SHC4: variants seen among roughly 807,000 people sequenced by gnomAD.
SHC4 encodes SHC adaptor protein 4.
SHC4 carries 41 observed loss-of-function variants against 69.4 expected under a neutral mutation model. The ratio of observed to expected loss-of-function variants is 0.59; its 90% CI spans 0.46 to 0.77. The LOEUF (loss-of-function observed/expected upper bound fraction) is 0.77. SHC4 is among the 30% of genes least tolerant of loss of function. SHC4 has a pLI of 0.00. For synonymous variants in SHC4, 318 were observed against 299.3 expected (o/e 1.06, Z -0.64); for missense variants, 777 against 783.8 (o/e 0.99, Z 0.10).
chr15:48,953,389 A>G (rs558805171), intron 1 of SHC4, among the ~76,000 whole-genome samples: 1 of 152,282 alleles, frequency 6.6e-6, no homozygotes, highest in South Asian at 2.1e-4. Flanking sequence ...CCTATGTAAC[A>G]TGTACCCCTG....
At chr15:48,962,145 C>A (rs1460954833) in intron 1 of SHC4, among the ~76,000 whole-genome samples, 1 of 152,152 alleles carries the variant, frequency 6.6e-6, no homozygotes, top group African/African-American at 2.4e-5. Context: ...GTGCCATCAG[C>A]TGCCTCTATC....
intron 2 of SHC4, among the ~76,000 whole-genome samples, chr15:48,897,144 A>C (rs1184136232): frequency 3.9e-5 from 6 of 152,172 alleles, no homozygotes; most frequent in Non-Finnish European, 5.9e-5. Flanking sequence ...AGAGGAGCAG[A>C]AATTTTGGGG....
intron 11 of SHC4, among the ~76,000 whole-genome samples, chr15:48,831,260 T>TA (rs57764927): frequency 0.059 from 8,902 of 151,838 alleles, 755 homozygotes; most frequent in African/African-American, 0.19. Flanking sequence ...GAAAGAAAAT[T>TA]AAAAAAAATA....
In SHC4 at chr15:48,959,512, G is replaced by A. The variant is rs149932174; in HGVS notation, c.585+2919C>T. Among the ~76,000 whole-genome samples the A allele has an allele frequency of 2.6e-5, 4 of 152,286 alleles. No homozygotes were observed. In the East Asian group the frequency reaches 7.7e-4, roughly 29 times the overall value. On this transcript the variant is annotated intron_variant, in intron 1 of 11. Coordinates refer to ENST00000332408, the MANE Select transcript of SHC4 (RefSeq NM_203349.4). ...AGCAAATAAGTTGGGGCAGGGAGAG[G>A]AGCAGTCACATGATATGGATAAGAA...
intron 3 of SHC4, among the ~76,000 whole-genome samples, chr15:48,885,141 G>A (rs1022501318): frequency 6.6e-6 from 1 of 152,168 alleles, no homozygotes; most frequent in Non-Finnish European, 1.5e-5. Flanking sequence ...GTGTGGTGAA[G>A]AATCATGAGA....
intron 10 of SHC4, among the ~76,000 whole-genome samples, chr15:48,842,879 C>T (rs577541547): frequency 3.9e-5 from 6 of 152,092 alleles, no homozygotes; most frequent in South Asian, 4.2e-4. Context: ...TGCAGTGACC[C>T]GTGATCATGC....
intron 2 of SHC4, among the ~76,000 whole-genome samples, chr15:48,907,506 A>C (rs1289619838): frequency 6.6e-6 from 1 of 151,930 alleles, no homozygotes; most frequent in East Asian, 1.9e-4. Context: ...CAATGCACTC[A>C]TCACCCGAGC....
chr15:48,857,797 C>A lies in SHC4; in HGVS notation c.965G>T (p.Cys322Phe). 1 of 1,560,040 alleles carries A rather than the reference C, an allele frequency of 6.4e-7. No homozygotes were observed. Among genetic ancestry groups the A allele is most frequent in the Non-Finnish European group, 8.7e-7 (1 of 1,151,326 alleles). The change falls in exon 7 of 12, where the codon TGC becomes TTC. Residue 322 changes from cysteine to phenylalanine, a missense_variant. Transcript: ENST00000332408. ...VNQRACHILE[C>F]HNGMAQDVIS... ...GACGTCTTGGGCCATTCCATTGTGG[C>A]ATTCCAATATGTGACAGGCTGCAAG...
intron 1 of SHC4, among the ~76,000 whole-genome samples, chr15:48,942,739 T>C (rs1901198018): frequency 6.6e-6 from 1 of 152,204 alleles, no homozygotes; most frequent in Non-Finnish European, 1.5e-5. Flanking sequence ...AGTAAGAGTC[T>C]AGGAGCAGGG....
At chr15:48,880,606 A>G (rs1311483743) in intron 4 of SHC4, among the ~76,000 whole-genome samples, 3 of 151,098 alleles carry the variant, frequency 2.0e-5, no homozygotes, top group Non-Finnish European at 4.4e-5. Flanking sequence ...AGTAGGGCAA[A>G]GAGGTGGGGG....
chr15:48,939,058 G>T (rs550042726), intron 1 of SHC4, among the ~76,000 whole-genome samples: 1 of 152,348 alleles, frequency 6.6e-6, no homozygotes, highest in African/African-American at 2.4e-5. Context: ...GCTAAGCACA[G>T]TGACTGGCAC....
chr15:48,956,546 A>G (rs1901456739), intron 1 of SHC4, among the ~76,000 whole-genome samples: 1 of 152,146 alleles, frequency 6.6e-6, no homozygotes. Flanking sequence ...TGTTCCCACA[A>G]TCCCATCCAC....
chr15:48,857,062 C>T (rs16961743), intron 7 of SHC4, among the ~76,000 whole-genome samples: 9,057 of 152,084 alleles, frequency 0.06, 495 homozygotes, highest in East Asian at 0.22. Context: ...TTTGTTTCTC[C>T]GGCATGAATT....
chr15:48,871,428 G>T lies in SHC4; in HGVS notation c.894+661C>A, dbSNP rs150366365. 1.4e-3 allele frequency among the ~76,000 whole-genome samples: 219 copies of T among 152,288 alleles called. 2 individuals are homozygous for T. The highest frequency in any genetic ancestry group is 5.2e-3 in the African/African-American group (214 of 41,552). On this transcript the variant is annotated intron_variant, in intron 5 of 11. Coordinates refer to ENST00000332408, the MANE Select transcript of SHC4 (RefSeq NM_203349.4). ...AGATTTGCTTCTTGCTCAGTTGCAG[G>T]CTCCCTAGCTTCAAAGCCCCTCTCC...
intron 1 of SHC4, among the ~76,000 whole-genome samples, chr15:48,940,697 G>A (rs138908739): frequency 2.6e-5 from 4 of 152,296 alleles, no homozygotes; most frequent in African/African-American, 7.2e-5. Context: ...GTGTGGTCAT[G>A]TCTGGAGACC....
At chr15:48,938,551 G>GC (rs1461267531) in intron 1 of SHC4, among the ~76,000 whole-genome samples, 1 of 152,080 alleles carries the variant, frequency 6.6e-6, no homozygotes, top group African/African-American at 2.4e-5. Flanking sequence ...CACTTCTCCT[G>GC]CCCCTTTGAA....
rs767528146 is a variant in SHC4 at position 48,856,112 on chromosome 15, A to G, written c.1083T>C (p.His361=). The G allele has an allele frequency of 3.7e-6, 6 of 1,613,026 alleles. No individual in the cohort carries two copies. The South Asian group carries it at 4.4e-5, about 12-fold the overall frequency. Residue 361 remains histidine (H), a synonymous_variant, in exon 8 of 12, where the codon CAT becomes CAC. Transcript: ENST00000332408. ...LNTSCESEEV[H]IDSHAEERED... The stretch of plus-strand genomic sequence containing the variant: ...CTCTCTCCTCGGCATGGCTATCAAT[A>G]TGCACCTCCTCACTGTGAAGGAAAA...
At chr15:48,957,575 A>G (rs985932618) in intron 1 of SHC4, among the ~76,000 whole-genome samples, 1 of 152,204 alleles carries the variant, frequency 6.6e-6, no homozygotes, top group African/African-American at 2.4e-5. Flanking sequence ...AGTAAAGAAA[A>G]TCTTTCAACA....
intron 2 of SHC4, among the ~76,000 whole-genome samples, chr15:48,923,544 C>CAAAAAAAAAAAAA (rs3075016): frequency 3.2e-5 from 3 of 93,002 alleles, no homozygotes; most frequent in African/African-American, 8.6e-5. Flanking sequence ...GACTCTGTCT[C>CAAAAAAAAAAAAA]AAAAAAAAAA....
Sources: allele counts gnomAD v4.1 joint callset (sites outside exome capture counted in the v4.1 genomes callset), GRCh38; gene constraint gnomAD v4.1.1; transcripts MANE v1.5; gene names NCBI Gene and HGNC (gene_info 2026-07-23, HGNC 2026-07-21).